ALK: variants seen among roughly 807,000 people sequenced by gnomAD.
ALK encodes the protein ALK tyrosine kinase receptor.
Under a neutral mutation model 163.1 loss-of-function variants are expected in ALK, and 74 were observed. The ratio of observed to expected loss-of-function variants is 0.45; its 90% CI spans 0.38 to 0.55. The LOEUF (loss-of-function observed/expected upper bound fraction) is 0.55, where lower values mean the gene tolerates loss of function less well. Among genes scored for constraint, ALK ranks in the 20% least tolerant of loss-of-function variants. The pLI is 0.00. For missense variants in ALK, 2,063 were observed against 2,105.3 expected (o/e 0.98, Z 0.39); for synonymous variants, 960 against 843.2 (o/e 1.14, Z -2.40).
chr2:29,712,653 T>C (rs1160215631), intron 2 of ALK, among the ~76,000 whole-genome samples: 1 of 152,084 alleles, frequency 6.6e-6, no homozygotes, highest in Non-Finnish European at 1.5e-5. Context: ...TTAATTTACC[T>C]AGTCTTTTCA....
chr2:29,852,628 C>T (rs749760686), intron 1 of ALK, among the ~76,000 whole-genome samples: 1 of 152,164 alleles, frequency 6.6e-6, no homozygotes, highest in Non-Finnish European at 1.5e-5. Context: ...TACAACTACT[C>T]CTGATGGTAC....
intron 3 of ALK, among the ~76,000 whole-genome samples, chr2:29,548,472 CAA>C (rs1171656746): frequency 8.0e-5 from 10 of 125,752 alleles, no homozygotes; most frequent in Non-Finnish European, 5.0e-5. Context: ...GACTCGGTCT[CAA>C]AAAAAAAAAA....
chr2:29,824,266 G>T (rs1665132960), intron 1 of ALK, among the ~76,000 whole-genome samples: 1 of 152,250 alleles, frequency 6.6e-6, no homozygotes, highest in African/African-American at 2.4e-5. Flanking sequence ...GCAGGGGAAG[G>T]TCCCTCATGG....
At chr2:29,681,453 G>C (rs946116079) in intron 3 of ALK, 4 of 152,186 alleles carry the variant, frequency 2.6e-5, no homozygotes, top group Non-Finnish European at 4.4e-5. Context: ...CAATAGATCT[G>C]TGTATAGGTA....
At chr2:29,326,508 G>GAC (rs1359418536) in intron 6 of ALK, among the ~76,000 whole-genome samples, 1 of 152,092 alleles carries the variant, frequency 6.6e-6, no homozygotes, top group African/African-American at 2.4e-5. Flanking sequence ...AATAAATAGA[G>GAC]ACACACACAC....
intron 1 of ALK, among the ~76,000 whole-genome samples, chr2:29,721,485 C>T (rs947975750): frequency 6.6e-6 from 1 of 152,182 alleles, no homozygotes; most frequent in Non-Finnish European, 1.5e-5. Flanking sequence ...CTCTCTCTTT[C>T]CAATACAACT....
At chr2:29,712,686 C>T (rs1457707262) in intron 2 of ALK, among the ~76,000 whole-genome samples, 2 of 151,684 alleles carry the variant, frequency 1.3e-5, no homozygotes, top group African/African-American at 4.8e-5. Context: ...GATACATTAA[C>T]AGGATGGGTG....
At chr2:29,252,799 T>C (rs1321562749) in intron 11 of ALK, among the ~76,000 whole-genome samples, 1 of 152,028 alleles carries the variant, frequency 6.6e-6, no homozygotes, top group Admixed American at 6.6e-5. Context: ...ACTTTGGGTG[T>C]GAATGGCTGA....
chr2:29,224,565 T>A (rs2148173939), intron 19 of ALK: 1 of 229,594 alleles, frequency 4.4e-6, no homozygotes, highest in Non-Finnish European at 8.6e-6. Flanking sequence ...AGTGGGTAGA[T>A]TCTGTGTGTA....
At chr2:29,401,805 G>T (rs1669452902) in intron 4 of ALK, among the ~76,000 whole-genome samples, 1 of 152,186 alleles carries the variant, frequency 6.6e-6, no homozygotes, top group African/African-American at 2.4e-5. Flanking sequence ...TAACAGAGGT[G>T]TCTAAGAGAG....
At chr2:29,898,075 G>A (rs569775682) in intron 1 of ALK, among the ~76,000 whole-genome samples, 2 of 152,326 alleles carry the variant, frequency 1.3e-5, no homozygotes, top group Admixed American at 1.3e-4. Flanking sequence ...GGAAAGGGAA[G>A]AATAAAAGAA....
chr2:29,496,490 C>A (rs1389452078), intron 4 of ALK, among the ~76,000 whole-genome samples: 2 of 152,048 alleles, frequency 1.3e-5, no homozygotes, highest in African/African-American at 2.4e-5. Context: ...TTTTTAATGA[C>A]AGTTTTCCAG....
At position 29,813,912 on chromosome 2, in the gene ALK, C is replaced by T. The variant is rs193292589; in HGVS notation, c.668-96215G>A. Among the ~76,000 whole-genome samples the T allele has an allele frequency of 2.6e-5, 4 of 152,300 alleles. No individual in the cohort carries two copies. The East Asian group carries it at 5.8e-4, about 22-fold the overall frequency. The stretch of plus-strand genomic sequence containing the variant: ...TGAATTCTATTAAGTCCATGGCTGT[C>T]ATGTCTGGAAGAAACTTAAGGAGAG... On this transcript the variant is annotated intron_variant, in intron 1 of 28. Coordinates refer to ENST00000389048, the MANE Select transcript of ALK (RefSeq NM_004304.5).
At chr2:29,416,904 A>G (rs1669893492) in intron 4 of ALK, among the ~76,000 whole-genome samples, 1 of 150,482 alleles carries the variant, frequency 6.6e-6, no homozygotes, top group Non-Finnish European at 1.5e-5. Context: ...CCTGCCTCAT[A>G]TATGGCATGT....
chr2:29,242,338 A>G (rs1439658266), intron 12 of ALK, among the ~76,000 whole-genome samples: 1 of 152,218 alleles, frequency 6.6e-6, no homozygotes, highest in East Asian at 1.9e-4. Context: ...TGTGGTTGAG[A>G]GGTAAGCGTC....
intron 3 of ALK, among the ~76,000 whole-genome samples, chr2:29,554,160 C>A (rs1673785156): frequency 6.6e-6 from 1 of 152,060 alleles, no homozygotes; most frequent in East Asian, 1.9e-4. Context: ...CAAAAATAGT[C>A]ACTGTAAAGG....
intron 4 of ALK, among the ~76,000 whole-genome samples, chr2:29,505,737 T>C (rs899325791): frequency 6.7e-6 from 1 of 148,388 alleles, no homozygotes; most frequent in Non-Finnish European, 1.5e-5. Context: ...GGCAGAGAAA[T>C]CACCATTCTA....
chr2:29,487,224 T>C (rs1671796031), intron 4 of ALK, among the ~76,000 whole-genome samples: 1 of 152,186 alleles, frequency 6.6e-6, no homozygotes, highest in Non-Finnish European at 1.5e-5. Flanking sequence ...CAAAAGGGAC[T>C]GAAATAAACA....
rs921039618 is a variant in ALK, at chr2:29,579,613, G to A, written c.953-47497C>T. Among the ~76,000 whole-genome samples, 9 of 152,190 alleles carry A rather than the reference G, an allele frequency of 5.9e-5. No homozygotes were observed. In the Middle Eastern group the frequency reaches 0.014, roughly 230 times the overall value. The stretch of plus-strand genomic sequence containing the variant: ...TTTTGCTCTTTTCCTCTACGCTCTG[G>A]GAACTAACTCATCATATATGAGCCA... On this transcript the variant is annotated intron_variant, in intron 3 of 28. Transcript: ENST00000389048.
Sources: gnomAD v4.1 joint callset for allele counts (sites outside exome capture counted in the v4.1 genomes callset) on GRCh38, gnomAD v4.1.1 for gene constraint, MANE v1.5 for transcripts, NCBI Gene and HGNC (gene_info 2026-07-23, HGNC 2026-07-21) for gene names.